The following SLC6A20 variants were observed in gnomAD, a reference collection of about 807,000 sequenced individuals.
SLC6A20 encodes the protein solute carrier family 6 member 20.
In SLC6A20, 73 loss-of-function variants were observed where a neutral mutation model predicts 64.3. The observed-to-expected ratio is 1.14, with a 90% CI of 0.94 to 1.38. The LOEUF (loss-of-function observed/expected upper bound fraction) is 1.38. Ranked by LOEUF, SLC6A20 falls within the 40% of genes most tolerant of loss-of-function variation. The pLI is 0.00. For missense variants in SLC6A20, 725 were observed against 772.8 expected (o/e 0.94, Z 0.73); for synonymous variants, 347 against 329.6 (o/e 1.05, Z -0.57).
intron 4 of SLC6A20, among the ~76,000 whole-genome samples, chr3:45,775,461 TTGTC>T (rs1171687650): frequency 6.6e-6 from 1 of 152,136 alleles, no homozygotes; most frequent in African/African-American, 2.4e-5. Context: ...CACTGTCTGG[TTGTC>T]TGGGTGGTAT....
chr3:45,782,334 G>T, intron 1 of SLC6A20, 111 bp from the exon 2 acceptor site: 1 of 1,392,076 alleles, frequency 7.2e-7, no homozygotes, highest in Non-Finnish European at 9.6e-7. Context: ...ACTTGTCCAT[G>T]CATTCTCCTA....
intron 1 of SLC6A20, among the ~76,000 whole-genome samples, chr3:45,784,257 A>C (rs574992380): frequency 2.0e-5 from 3 of 152,246 alleles, no homozygotes; most frequent in Non-Finnish European, 4.4e-5. Flanking sequence ...TTGCTCTGCA[A>C]TAAATTTTTC....
At chr3:45,776,110 G>T (rs1699963779) in intron 3 of SLC6A20, 122 bp from the exon 4 acceptor site, 2 of 940,976 alleles carry the variant, frequency 2.1e-6, no homozygotes, top group East Asian at 2.5e-5. Flanking sequence ...GTCCCCGAAG[G>T]GCAGGTGGCT....
chr3:45,795,006 A>G (rs1341070514), intron 1 of SLC6A20, among the ~76,000 whole-genome samples: 1 of 152,192 alleles, frequency 6.6e-6, no homozygotes, highest in Non-Finnish European at 1.5e-5. Context: ...GGGAGGAGGG[A>G]GCAGTGTTTA....
chr3:45,782,649 A>C (rs544923330), intron 1 of SLC6A20, among the ~76,000 whole-genome samples: 90 of 150,036 alleles, frequency 6.0e-4, no homozygotes, highest in Non-Finnish European at 1.2e-3. Context: ...CCATCCATCC[A>C]TCCATCCATC....
At chr3:45,769,774 A>T (rs1699829523) in intron 7 of SLC6A20, among the ~76,000 whole-genome samples, 1 of 152,214 alleles carries the variant, frequency 6.6e-6, no homozygotes, top group Non-Finnish European at 1.5e-5. Flanking sequence ...TAATAGAAAT[A>T]TAAAAATGAA....
chr3:45,770,456 T>G, intron 6 of SLC6A20, 85 bp from the exon 7 acceptor site: 2 of 1,517,772 alleles, frequency 1.3e-6, no homozygotes, highest in Non-Finnish European at 1.8e-6. Context: ...TCTTTTCTGA[T>G]TAGGTGAGGA....
intron 7 of SLC6A20, among the ~76,000 whole-genome samples, chr3:45,769,473 T>TA (rs57481801): frequency 0.067 from 9,730 of 145,248 alleles, 1,030 homozygotes; most frequent in African/African-American, 0.23. Flanking sequence ...TAGCAAAAAT[T>TA]AAAAAAAAAA....
intron 7 of SLC6A20, among the ~76,000 whole-genome samples, chr3:45,769,914 A>G (rs559726372): frequency 1.3e-5 from 2 of 152,338 alleles, no homozygotes; most frequent in East Asian, 1.9e-4. Context: ...TGAGTGGTAT[A>G]TATGGGTGTT....
chr3:45,767,774 A>G (rs1472331453), intron 7 of SLC6A20, among the ~76,000 whole-genome samples: 1 of 152,230 alleles, frequency 6.6e-6, no homozygotes, highest in Non-Finnish European at 1.5e-5. Context: ...AGACGAAGAG[A>G]AGATCATGAG....
At chr3:45,775,704 C>T (rs1012853733) in intron 4 of SLC6A20, 57 bp downstream of exon 4, 9 of 1,537,004 alleles carry the variant, frequency 5.9e-6, no homozygotes, top group Non-Finnish European at 7.9e-6. Flanking sequence ...GCAGCTGCCC[C>T]TTGGTGCACC....
chr3:45,776,064 G>T, intron 3 of SLC6A20, 76 bp from the exon 4 acceptor site: 1 of 1,406,630 alleles, frequency 7.1e-7, no homozygotes, highest in Non-Finnish European at 1.0e-6. Context: ...GAGGGAGGTG[G>T]CCCTGAGCGG....
At chr3:45,766,307 C>T (rs369637857) in intron 7 of SLC6A20, among the ~76,000 whole-genome samples, 1 of 152,188 alleles carries the variant, frequency 6.6e-6, no homozygotes, top group South Asian at 2.1e-4. Flanking sequence ...ATAGGTTGTG[C>T]GTACTCTCTG....
chr3:45,785,962 G>T (rs1021210221), intron 1 of SLC6A20, among the ~76,000 whole-genome samples: 3 of 152,106 alleles, frequency 2.0e-5, no homozygotes, highest in African/African-American at 7.2e-5. Flanking sequence ...GAGAGGCCAC[G>T]AGGAGGAGAA....
intron 10 of SLC6A20, among the ~76,000 whole-genome samples, 160 bp downstream of exon 10, chr3:45,759,697 C>T (rs1372928183): frequency 6.6e-6 from 1 of 152,212 alleles, no homozygotes; most frequent in South Asian, 2.1e-4. Flanking sequence ...CCAGCTCCTC[C>T]GTGCTGGACT....
At position 45,756,490 on chromosome 3, in the gene SLC6A20, TATG is replaced by T. The variant is rs1449080552; in HGVS notation, c.*2485_*2487del. The T allele has an allele frequency of 6.6e-6, 1 of 152,236 alleles. No individual in the cohort carries two copies. The highest frequency in any genetic ancestry group is 1.9e-4 in the East Asian group (1 of 5,196). 9.4% of individuals were successfully genotyped at this position (152,236 alleles called of 1,614,324 possible). On this transcript the variant is annotated 3_prime_UTR_variant, in exon 11 of 11. Transcript: ENST00000358525. ...GGTTCATACATTTGAAAGTCAAATG[TATG>T]ATAACTGGACAATCAGGTGAAGCTG...
Position 45,758,781 on chromosome 3 carries a change from A to T in SLC6A20, c.*197T>A, listed in dbSNP as rs1699594292. 5.2e-6 allele frequency: 7 copies of T among 1,337,084 alleles called. No homozygotes were observed. The highest frequency in any genetic ancestry group is 6.7e-6 in the Non-Finnish European group (7 of 1,044,320). The allele number at this position is 1,337,084 out of a possible 1,614,324, so 82.8% of individuals were successfully genotyped here. On this transcript the variant is annotated 3_prime_UTR_variant, in exon 11 of 11. Coordinates refer to ENST00000358525, the MANE Select transcript of SLC6A20 (RefSeq NM_020208.4). Reference sequence around the variant, plus strand: ...CTTCCATGATGAGGAGGCAGGTGACAGGGAGGAACAGCCACCACGGGAGGG... The same window carrying T: ...CTTCCATGATGAGGAGGCAGGTGACTGGGAGGAACAGCCACCACGGGAGGG...
chr3:45,762,803 G>T, intron 9 of SLC6A20, 110 bp downstream of exon 9: 1 of 1,415,522 alleles, frequency 7.1e-7, no homozygotes, highest in Non-Finnish European at 9.8e-7. Flanking sequence ...ATGATGCGAA[G>T]CTTAAAGAAG....
intron 7 of SLC6A20, 38 bp downstream of exon 7, chr3:45,770,171 G>T (rs757817702): frequency 9.9e-6 from 16 of 1,612,662 alleles, no homozygotes; most frequent in Admixed American, 3.3e-5. Context: ...TGAGTGTGTG[G>T]AGAGAAGCCA....
Sources: gnomAD v4.1 joint callset for allele counts (sites outside exome capture counted in the v4.1 genomes callset) on GRCh38, gnomAD v4.1.1 for gene constraint, MANE v1.5 for transcripts, NCBI Gene and HGNC (gene_info 2026-07-23, HGNC 2026-07-21) for gene names.